Variants in CACNA2D3 observed in about 807,000 individuals in gnomAD.
The protein encoded by CACNA2D3 is calcium voltage-gated channel auxiliary subunit alpha2delta 3, also known as voltage-dependent calcium channel subunit alpha-2/delta-3.
CACNA2D3 carries 60 observed loss-of-function variants against 160.6 expected under a neutral mutation model. The ratio of observed to expected loss-of-function variants is 0.37; its 90% confidence interval spans 0.30 to 0.46. CACNA2D3 has a LOEUF of 0.46. Among genes scored for constraint, CACNA2D3 ranks in the 20% least tolerant of loss-of-function variants. CACNA2D3 has a pLI of 1.00. For missense variants in CACNA2D3, 1,205 were observed against 1,365.0 expected (o/e 0.88, Z 1.85); for synonymous variants, 558 against 492.9 (o/e 1.13, Z -1.75).
At chr3:54,632,754 AAATTGT>A (rs1559533059) in intron 10 of CACNA2D3, 3 of 152,182 alleles carry the variant, frequency 2.0e-5, no homozygotes, top group African/African-American at 7.2e-5. Flanking sequence ...CTTAGGGTGT[AAATTGT>A]CCTTTGATGC....
At chr3:54,737,383 T>A (rs775739717) in intron 11 of CACNA2D3, among the ~76,000 whole-genome samples, 2 of 151,630 alleles carry the variant, frequency 1.3e-5, no homozygotes, top group Non-Finnish European at 2.9e-5. Context: ...CAATGATGAG[T>A]CCTAAAAAAT....
chr3:54,228,006 C>T (rs1701705875), intron 2 of CACNA2D3, among the ~76,000 whole-genome samples: 2 of 152,122 alleles, frequency 1.3e-5, no homozygotes, highest in Admixed American at 6.5e-5. Context: ...TTTGTTCTAC[C>T]ATGTTCTTTG....
At chr3:54,969,923 C>A in intron 29 of CACNA2D3, 79 bp downstream of exon 29, 2 of 1,269,822 alleles carry the variant, frequency 1.6e-6, no homozygotes, top group South Asian at 1.3e-5. Flanking sequence ...AGGGAATGCC[C>A]TTATAAACAA....
At chr3:54,323,184 T>C (rs1704043818) in intron 3 of CACNA2D3, among the ~76,000 whole-genome samples, 1 of 152,212 alleles carries the variant, frequency 6.6e-6, no homozygotes, top group South Asian at 2.1e-4. Flanking sequence ...AGATGTCCCT[T>C]TGGAGGCCAG....
At chr3:54,421,635 G>C (rs1050573965) in intron 4 of CACNA2D3, among the ~76,000 whole-genome samples, 4 of 152,094 alleles carry the variant, frequency 2.6e-5, no homozygotes, top group Non-Finnish European at 4.4e-5. Flanking sequence ...GGCAGCGGTT[G>C]TTGTCATATT....
At chr3:54,431,708 G>A (rs958531048) in intron 4 of CACNA2D3, among the ~76,000 whole-genome samples, 3 of 152,136 alleles carry the variant, frequency 2.0e-5, no homozygotes, top group Admixed American at 6.5e-5. Context: ...CATCTCCTGG[G>A]CGGATTCTTG....
intron 31 of CACNA2D3, among the ~76,000 whole-genome samples, chr3:54,997,823 G>A (rs1477278640): frequency 1.3e-5 from 2 of 152,222 alleles, no homozygotes; most frequent in Non-Finnish European, 2.9e-5. Context: ...ATGCCAATGT[G>A]TATGCCTTAG....
At chr3:54,939,348 C>G (rs1482990110) in intron 27 of CACNA2D3, among the ~76,000 whole-genome samples, 2 of 152,242 alleles carry the variant, frequency 1.3e-5, no homozygotes, top group African/African-American at 2.4e-5. Context: ...AGAGCTGGGA[C>G]TTGAACCCTC....
intron 2 of CACNA2D3, among the ~76,000 whole-genome samples, chr3:54,147,059 G>A (rs1700045153): frequency 6.6e-6 from 1 of 152,218 alleles, no homozygotes; most frequent in Admixed American, 6.5e-5. Flanking sequence ...TTCTGCATCA[G>A]AACCCATACC....
rs189672553 is a variant in CACNA2D3, at chr3:55,004,553, C to T, written c.2691-210C>T. Among the ~76,000 whole-genome samples, 4 of 152,366 alleles carry T rather than the reference C, an allele frequency of 2.6e-5. No homozygotes were observed. In the East Asian group the frequency reaches 7.7e-4, roughly 29 times the overall value. ...CTCTACCCTTTCCAATACCTTCGTT[C>T]CCTTTGTCCTTCAAATTCCAAGTGG... On this transcript the variant is annotated intron_variant, in intron 31 of 37. Coordinates refer to ENST00000474759, the MANE Select transcript of CACNA2D3 (RefSeq NM_018398.3).
intron 34 of CACNA2D3, among the ~76,000 whole-genome samples, chr3:55,011,695 G>A (rs1196896542): frequency 6.6e-6 from 1 of 152,112 alleles, no homozygotes; most frequent in Non-Finnish European, 1.5e-5. Flanking sequence ...AGTTGGTATG[G>A]GAAATAGGGA....
intron 11 of CACNA2D3, among the ~76,000 whole-genome samples, chr3:54,724,871 G>A (rs1701246219): frequency 6.6e-6 from 1 of 152,076 alleles, no homozygotes; most frequent in Non-Finnish European, 1.5e-5. Flanking sequence ...AGAAGCAACA[G>A]CAAACAAATT....
intron 2 of CACNA2D3, among the ~76,000 whole-genome samples, chr3:54,285,563 G>C (rs745419163): frequency 2.0e-5 from 3 of 152,210 alleles, no homozygotes; most frequent in Admixed American, 1.3e-4. Context: ...GTCCCTGTCT[G>C]ACAGCTTTTA....
chr3:54,926,696 C>T, intron 27 of CACNA2D3, among the ~76,000 whole-genome samples: 1 of 152,218 alleles, frequency 6.6e-6, no homozygotes, highest in Admixed American at 6.5e-5. Context: ...ACTGTTGTAG[C>T]ATATTCCATG....
chr3:54,997,007 C>T (rs1166275972), intron 31 of CACNA2D3, among the ~76,000 whole-genome samples: 7 of 151,906 alleles, frequency 4.6e-5, no homozygotes, highest in African/African-American at 1.7e-4. Flanking sequence ...GAACATCACA[C>T]ACCGGGGCCT....
intron 35 of CACNA2D3, among the ~76,000 whole-genome samples, chr3:55,038,062 C>T (rs1439869969): frequency 6.6e-6 from 1 of 152,162 alleles, no homozygotes; most frequent in Non-Finnish European, 1.5e-5. Flanking sequence ...CTCTCTCTCT[C>T]TTTCACTAAC....
chr3:54,357,061 G>A (rs1489260840), intron 3 of CACNA2D3, among the ~76,000 whole-genome samples: 1 of 152,110 alleles, frequency 6.6e-6, no homozygotes, highest in Non-Finnish European at 1.5e-5. Context: ...ACCACACATG[G>A]CTCCTCCCTT....
chr3:54,827,279 A>G (rs931452716), intron 14 of CACNA2D3, among the ~76,000 whole-genome samples: 6 of 152,256 alleles, frequency 3.9e-5, no homozygotes, highest in Non-Finnish European at 8.8e-5. Context: ...TCAGGGTTCA[A>G]TTTAAGGCTA....
chr3:54,582,660 C>G (rs1241842334), intron 9 of CACNA2D3, among the ~76,000 whole-genome samples: 1 of 152,168 alleles, frequency 6.6e-6, no homozygotes, highest in African/African-American at 2.4e-5. Flanking sequence ...CTGTACCTGA[C>G]ACACAGAGCT....
Sources: gnomAD v4.1 joint callset for allele counts (sites outside exome capture counted in the v4.1 genomes callset) on GRCh38, gnomAD v4.1.1 for gene constraint, MANE v1.5 for transcripts, NCBI Gene and HGNC (gene_info 2026-07-23, HGNC 2026-07-21) for gene names.